SLC9B2: variants seen among roughly 807,000 people sequenced by gnomAD.
SLC9B2 encodes the protein solute carrier family 9 member B2.
SLC9B2 carries 39 observed loss-of-function variants against 52.2 expected under a neutral mutation model. That is an observed-to-expected ratio of 0.75 (90% confidence interval 0.58 to 0.98). The LOEUF (loss-of-function observed/expected upper bound fraction) is 0.98. Ranked by LOEUF, SLC9B2 falls within the 50% of genes least tolerant of loss-of-function variation. SLC9B2 has a pLI of 0.00. For missense variants in SLC9B2, 626 were observed against 637.5 expected, an observed-to-expected ratio of 0.98 and a Z score of 0.19; for synonymous variants, 214 against 227.0, an observed-to-expected ratio of 0.94 and a Z score of 0.51.
At chr4:103,048,217 G>A (rs77858383) in intron 6 of SLC9B2, among the ~76,000 whole-genome samples, 2,966 of 152,206 alleles carry the variant, frequency 0.019, 44 homozygotes, top group South Asian at 0.049. Flanking sequence ...CACTTTACAC[G>A]TATTCACTAA....
At chr4:103,036,038 G>C (rs754543532) in intron 9 of SLC9B2, among the ~76,000 whole-genome samples, 25 of 152,210 alleles carry the variant, frequency 1.6e-4, no homozygotes, top group Non-Finnish European at 3.2e-4. Flanking sequence ...CTGGTACTAA[G>C]ACAGACACAT....
At chr4:103,054,149 G>A (rs898186347) in intron 4 of SLC9B2, among the ~76,000 whole-genome samples, 1 of 152,032 alleles carries the variant, frequency 6.6e-6, no homozygotes, top group Non-Finnish European at 1.5e-5. Context: ...TGTGCCTGTA[G>A]TCCCAGCTAC....
In SLC9B2 at chr4:103,055,354, G is replaced by A. The variant is rs1012777715; in HGVS notation, c.442+2447C>T. On this transcript the variant is annotated intron_variant, in intron 4 of 11. Transcript: ENST00000394785. Reference sequence around the variant, plus strand: ...GTATACATATGTAACTAACCTGCACGTTGTGCACATGTACCCTAAAACTTA... The same window carrying A: ...GTATACATATGTAACTAACCTGCACATTGTGCACATGTACCCTAAAACTTA... 4.6e-5 allele frequency among the ~76,000 whole-genome samples: 7 copies of A among 152,104 alleles called. No individual in the cohort carries two copies. In the East Asian group the frequency reaches 7.7e-4, roughly 17 times the overall value.
At chr4:103,054,491 C>T (rs1048066544) in intron 4 of SLC9B2, among the ~76,000 whole-genome samples, 1 of 152,102 alleles carries the variant, frequency 6.6e-6, no homozygotes, top group Admixed American at 6.6e-5. Context: ...ATGCAAGGGT[C>T]AGCAAAAATG....
intron 10 of SLC9B2, among the ~76,000 whole-genome samples, chr4:103,030,616 G>T (rs775687385): frequency 6.6e-6 from 1 of 152,032 alleles, no homozygotes; most frequent in Non-Finnish European, 1.5e-5. Flanking sequence ...AGGTAGCATG[G>T]TAGAGACGGG....
Position 103,043,419 on chromosome 4 carries a change from G to C in SLC9B2, c.1023C>G (p.Phe341Leu). 6.2e-7 allele frequency: 1 copy of C among 1,609,934 alleles called. No homozygotes were observed. Among genetic ancestry groups the C allele is most frequent in the Non-Finnish European group, 8.5e-7 (1 of 1,178,552 alleles). ...CTAGCACAGACAACCCCAACACAAG[G>C]AATGTTCTCTTACACACAAGTTTGT... ...DQDKLVCKRTFLVLGLSVLAV... is the reference protein window; with the variant it reads ...DQDKLVCKRTLLVLGLSVLAV... The change falls in exon 9 of 12, where the codon TTC (phenylalanine) becomes TTG (leucine). Residue 341 changes from phenylalanine (F) to leucine (L), a missense_variant. Coordinates refer to ENST00000394785, the MANE Select transcript of SLC9B2 (RefSeq NM_178833.7).
At chr4:103,053,293 TA>T (rs1274071862) in intron 4 of SLC9B2, among the ~76,000 whole-genome samples, 3 of 152,246 alleles carry the variant, frequency 2.0e-5, no homozygotes, top group Admixed American at 6.5e-5. Context: ...TTTGTCTTAA[TA>T]AGTTTCCTTT....
chr4:103,025,335 C>A lies in SLC9B2; in HGVS notation c.*1035G>T, dbSNP rs1056772950. 2.0e-5 allele frequency among the ~76,000 whole-genome samples: 3 copies of A among 152,092 alleles called. No homozygotes were observed. The highest frequency in any genetic ancestry group is 1.3e-4 in the Admixed American group (2 of 15,258). On this transcript the variant is annotated 3_prime_UTR_variant, in exon 12 of 12. Transcript: ENST00000394785. The stretch of plus-strand genomic sequence containing the variant: ...CACTGCTCAAGGTCATTGCCAAGGT[C>A]TGATTTTTCACAAAAAATTTTTGCA...
At chr4:103,032,672 T>C (rs1294047873) in intron 9 of SLC9B2, among the ~76,000 whole-genome samples, 1 of 152,180 alleles carries the variant, frequency 6.6e-6, no homozygotes, top group Non-Finnish European at 1.5e-5. Context: ...ATCAGGGTCC[T>C]ACAATTCATG....
chr4:103,036,216 C>T (rs1219142863), intron 9 of SLC9B2, among the ~76,000 whole-genome samples: 2 of 152,172 alleles, frequency 1.3e-5, no homozygotes, highest in East Asian at 1.9e-4. Context: ...AAATCATGTC[C>T]TTTGCAGTGA....
At chr4:103,071,824 C>G (rs556897760) in intron 1 of SLC9B2, among the ~76,000 whole-genome samples, 24 of 152,012 alleles carry the variant, frequency 1.6e-4, no homozygotes, top group Non-Finnish European at 3.1e-4. Context: ...ATTTTAAATA[C>G]ATTTAAAAAT....
intron 3 of SLC9B2, among the ~76,000 whole-genome samples, chr4:103,060,834 A>T (rs1410586683): frequency 3.9e-5 from 6 of 152,112 alleles, no homozygotes; most frequent in African/African-American, 1.4e-4. Flanking sequence ...TTCAAATTGA[A>T]TTTTTTCTGT....
At chr4:103,026,910 G>T (rs1027865593) in intron 11 of SLC9B2, among the ~76,000 whole-genome samples, 4 of 151,920 alleles carry the variant, frequency 2.6e-5, no homozygotes, top group Non-Finnish European at 5.9e-5. Flanking sequence ...GTTTTGTTTT[G>T]TTTTTTTACT....
intron 1 of SLC9B2, among the ~76,000 whole-genome samples, chr4:103,075,208 G>C (rs145043091): frequency 0.017 from 2,585 of 152,126 alleles, 43 homozygotes; most frequent in Admixed American, 0.025. Context: ...GGAGTGCAGT[G>C]GCACAATCTT....
At position 103,024,058 on chromosome 4, in the gene SLC9B2, A is replaced by G. The variant is rs1212125739; in HGVS notation, c.*2312T>C. Among the ~76,000 whole-genome samples, 1 of 152,106 alleles carries G rather than the reference A, an allele frequency of 6.6e-6. No individual in the cohort carries two copies. The highest frequency in any genetic ancestry group is 2.4e-5 in the African/African-American group (1 of 41,410). ...TGTGCCTAAACTCCACCACCCTTGG[A>G]TTGATTGAGTGCTCCTGCCATGAGC... On this transcript the variant is annotated 3_prime_UTR_variant, in exon 12 of 12. Coordinates refer to ENST00000394785, the MANE Select transcript of SLC9B2 (RefSeq NM_178833.7).
chr4:103,045,521 TA>T (rs11291655), intron 7 of SLC9B2, among the ~76,000 whole-genome samples: 2,180 of 141,938 alleles, frequency 0.015, 29 homozygotes, highest in African/African-American at 0.047. Context: ...TTGAGGTGAT[TA>T]AAAAAAAAAA....
intron 7 of SLC9B2, among the ~76,000 whole-genome samples, chr4:103,045,511 T>C (rs927258667): frequency 1.7e-4 from 26 of 151,450 alleles, no homozygotes; most frequent in Admixed American, 1.3e-3. Flanking sequence ...CTCTGGTATA[T>C]TGAGGTGATT....
At chr4:103,062,920 G>T (rs1259179009) in intron 3 of SLC9B2, among the ~76,000 whole-genome samples, 1 of 152,052 alleles carries the variant, frequency 6.6e-6, no homozygotes, top group Non-Finnish European at 1.5e-5. Flanking sequence ...TACTTTTTAA[G>T]AAGAATACTG....
In SLC9B2 at chr4:103,071,959, A is replaced by C. The variant is rs547957327; in HGVS notation, c.-43+4225T>G. 5.3e-5 allele frequency among the ~76,000 whole-genome samples: 8 copies of C among 152,056 alleles called. No individual in the cohort carries two copies. In the South Asian group the frequency reaches 1.7e-3, roughly 32 times the overall value. On this transcript the variant is annotated intron_variant, in intron 1 of 11. Transcript: ENST00000394785. ...CTTAATAACACCTGCCACAATTTAA[A>C]ATCATTTTTTGTAGTTGTGATTTTT...
Sources: gnomAD v4.1 joint callset for allele counts (sites outside exome capture counted in the v4.1 genomes callset) on GRCh38, gnomAD v4.1.1 for gene constraint, MANE v1.5 for transcripts, NCBI Gene and HGNC (gene_info 2026-07-23, HGNC 2026-07-21) for gene names.